Variants in KANK1 observed in about 807,000 individuals in gnomAD.
The protein encoded by KANK1 is KN motif and ankyrin repeat domains 1.
A neutral mutation model predicts 106.2 loss-of-function variants in KANK1; 109 were observed. That is an observed-to-expected ratio of 1.03 (90% confidence interval 0.88 to 1.20). KANK1 has a LOEUF of 1.20. Ranked by LOEUF, KANK1 falls within the 50% of genes most tolerant of loss-of-function variation. The pLI is 0.00. For missense variants in KANK1, 2,399 were observed against 1,710.7 expected (o/e 1.40, Z -7.10); for synonymous variants, 873 against 652.2 (o/e 1.34, Z -5.16).
intron 1 of KANK1, among the ~76,000 whole-genome samples, chr9:632,427 T>A (rs1170850387): frequency 1.3e-5 from 2 of 152,196 alleles, no homozygotes; most frequent in Non-Finnish European, 2.9e-5. Flanking sequence ...GAAAATATTT[T>A]AAAAACTGGT....
chr9:510,938 A>C (rs1177583522), intron 1 of KANK1, among the ~76,000 whole-genome samples: 1 of 152,212 alleles, frequency 6.6e-6, no homozygotes, highest in Admixed American at 6.5e-5. Flanking sequence ...AGCCAATATC[A>C]CTTAACTTTA....
At chr9:581,791 C>G (rs536269082) in intron 1 of KANK1, among the ~76,000 whole-genome samples, 3 of 152,084 alleles carry the variant, frequency 2.0e-5, no homozygotes, top group Non-Finnish European at 4.4e-5. Context: ...TACACCAGTC[C>G]CTACTGCTTC....
At chr9:535,959 T>C (rs974145788) in intron 1 of KANK1, among the ~76,000 whole-genome samples, 3 of 152,186 alleles carry the variant, frequency 2.0e-5, no homozygotes, top group Non-Finnish European at 4.4e-5. Flanking sequence ...TTTTTTGGTA[T>C]TTGTTATAAC....
At chr9:547,144 C>T (rs539749618) in intron 1 of KANK1, among the ~76,000 whole-genome samples, 9 of 152,182 alleles carry the variant, frequency 5.9e-5, no homozygotes, top group African/African-American at 2.4e-5. Flanking sequence ...CATTGCAGCA[C>T]GAGAGTCCCT....
intron 1 of KANK1, among the ~76,000 whole-genome samples, chr9:543,787 T>A (rs2060760881): frequency 6.6e-6 from 1 of 152,154 alleles, no homozygotes; most frequent in African/African-American, 2.4e-5. Flanking sequence ...TAGTTGATTG[T>A]TGCAAGACTT....
At chr9:513,891 C>A (rs895442303) in intron 1 of KANK1, among the ~76,000 whole-genome samples, 3 of 152,096 alleles carry the variant, frequency 2.0e-5, no homozygotes, top group African/African-American at 7.3e-5. Context: ...CTGGTGCACA[C>A]CTGTAGTCCC....
chr9:696,351 G>A (rs1443189822), intron 2 of KANK1, among the ~76,000 whole-genome samples: 4 of 151,974 alleles, frequency 2.6e-5, no homozygotes, highest in Non-Finnish European at 5.9e-5. Flanking sequence ...GAGAAACACA[G>A]GCATGTGCTT....
intron 1 of KANK1, among the ~76,000 whole-genome samples, chr9:541,872 G>A (rs1034790123): frequency 4.3e-4 from 64 of 150,036 alleles, no homozygotes; most frequent in African/African-American, 1.5e-3. Flanking sequence ...GGCGGATCAC[G>A]AGGTCAGGAG....
At chr9:623,747 G>A (rs1282610016) in intron 1 of KANK1, among the ~76,000 whole-genome samples, 2 of 152,006 alleles carry the variant, frequency 1.3e-5, no homozygotes, top group African/African-American at 4.8e-5. Flanking sequence ...AATATAACAA[G>A]TTTTGACAAG....
In KANK1 at chr9:745,318, C is replaced by T. The variant is rs771299795; in HGVS notation, c.*83C>T. 75 of 1,540,526 alleles carry T rather than the reference C, an allele frequency of 4.9e-5. No individual in the cohort carries two copies. The highest frequency in any genetic ancestry group is 1.7e-4 in the South Asian group (15 of 88,818). On this transcript the variant is annotated 3_prime_UTR_variant, in exon 12 of 12. Coordinates refer to ENST00000382297, the MANE Select transcript of KANK1 (RefSeq NM_015158.5). ...TGGGGTGACAGATACTGAATGTATA[C>T]GTATTGTGCCTGAGCTCACCAGCAA...
At chr9:743,042 A>G (rs1013754682) in intron 10 of KANK1, among the ~76,000 whole-genome samples, 2 of 152,156 alleles carry the variant, frequency 1.3e-5, no homozygotes, top group African/African-American at 4.8e-5. Flanking sequence ...CAAAGGGGGT[A>G]CTTTTGCGTG....
chr9:558,537 A>G (rs1044399631), intron 1 of KANK1, among the ~76,000 whole-genome samples: 2 of 152,194 alleles, frequency 1.3e-5, no homozygotes, highest in Non-Finnish European at 2.9e-5. Flanking sequence ...GGCGAAGAGC[A>G]CTGTATCTCA....
chr9:731,315 C>T (rs377246939), intron 5 of KANK1, 49 bp downstream of exon 5: 9 of 1,114,972 alleles, frequency 8.1e-6, no homozygotes, highest in African/African-American at 4.7e-5. Context: ...GTCTCCTTTA[C>T]CTCCTGCCTA....
chr9:743,137 G>T (rs554810687), intron 10 of KANK1, among the ~76,000 whole-genome samples: 8 of 152,224 alleles, frequency 5.3e-5, no homozygotes, highest in African/African-American at 1.9e-4. Context: ...GGTCACAGAG[G>T]TCGGGTTGGC....
chr9:734,135 TTAAAAA>T (rs1200354898), intron 6 of KANK1: 1 of 121,172 alleles, frequency 8.3e-6, no homozygotes, highest in African/African-American at 3.2e-5. Context: ...AAAAAAAAAC[TTAAAAA>T]TGGCAAAAAA....
chr9:650,817 A>C (rs937168958), intron 1 of KANK1, among the ~76,000 whole-genome samples: 1 of 152,158 alleles, frequency 6.6e-6, no homozygotes, highest in Non-Finnish European at 1.5e-5. Flanking sequence ...CAGTCCATGG[A>C]TTTGTAATTC....
chr9:563,259 C>T (rs893432925), intron 1 of KANK1, among the ~76,000 whole-genome samples: 1 of 151,954 alleles, frequency 6.6e-6, no homozygotes, highest in African/African-American at 2.4e-5. Flanking sequence ...CCCAGAGTCT[C>T]TGTTGCCAGG....
chr9:665,714 T>C lies in KANK1; in HGVS notation c.-83-11176T>C, dbSNP rs773590508. Among the ~76,000 whole-genome samples the C allele has an allele frequency of 2.0e-5, 3 of 152,230 alleles. No homozygotes were observed. In the East Asian group the frequency reaches 5.8e-4, roughly 29 times the overall value. ...ATGGGGAATATTGTTGGTATTTTGA[T>C]AGGGATTACATTGAATCAGTAAACT... On this transcript the variant is annotated intron_variant, in intron 1 of 11. Transcript: ENST00000382297.
At position 585,978 on chromosome 9, in the gene KANK1, G is replaced by C. The variant is rs571822340; in HGVS notation, c.-84+81224G>C. ...GGGATGTAGATGTAAGAAAACGTTAGGTTTGGAAGTTATAAGACAAGAGAA... is the reference window on the plus strand; with the variant it reads ...GGGATGTAGATGTAAGAAAACGTTACGTTTGGAAGTTATAAGACAAGAGAA... On this transcript the variant is annotated intron_variant, in intron 1 of 11. Coordinates refer to ENST00000382297, the MANE Select transcript of KANK1 (RefSeq NM_015158.5). Among the ~76,000 whole-genome samples, 10 of 152,310 alleles carry C rather than the reference G, an allele frequency of 6.6e-5. No individual in the cohort carries two copies. The South Asian group carries it at 2.1e-3, about 32-fold the overall frequency.
Sources: gnomAD v4.1 joint callset for allele counts (sites outside exome capture counted in the v4.1 genomes callset) on GRCh38, gnomAD v4.1.1 for gene constraint, MANE v1.5 for transcripts, NCBI Gene and HGNC (gene_info 2026-07-23, HGNC 2026-07-21) for gene names.